Variants in THAP10 observed in about 807,000 individuals in gnomAD.
THAP10 encodes THAP domain containing 10, also known as THAP domain-containing protein 10.
THAP10 carries 10 observed loss-of-function variants against 15.7 expected under a neutral mutation model. The observed-to-expected ratio is 0.64, with a 90% CI of 0.39 to 1.08. THAP10 has a LOEUF of 1.08. Ranked by LOEUF, THAP10 falls within the 50% of genes least tolerant of loss-of-function variation. The pLI, the probability that THAP10 is intolerant of heterozygous loss-of-function variation, is 0.01. For synonymous variants in THAP10, 127 were observed against 129.1 expected, an observed-to-expected ratio of 0.98 and a Z score of 0.11; for missense variants, 310 against 330.9, an observed-to-expected ratio of 0.94 and a Z score of 0.49.
intron 1 of THAP10, among the ~76,000 whole-genome samples, chr15:70,885,752 G>A (rs970608329): frequency 1.3e-5 from 2 of 152,140 alleles, no homozygotes; most frequent in African/African-American, 2.4e-5. Context: ...AGATTAATAT[G>A]TAAATTCAAA....
At chr15:70,882,697 C>T in intron 2 of THAP10, 47 bp from the exon 3 acceptor site, 2 of 1,611,512 alleles carry the variant, frequency 1.2e-6, no homozygotes, top group Non-Finnish European at 1.7e-6. Context: ...CTTTGCTTTT[C>T]ATATATCTTT....
At chr15:70,887,014 G>A (rs1218990074) in intron 1 of THAP10, among the ~76,000 whole-genome samples, 1 of 151,834 alleles carries the variant, frequency 6.6e-6, no homozygotes, top group African/African-American at 2.4e-5. Flanking sequence ...AATTTAGATG[G>A]AACAGACAAA....
At chr15:70,891,338 G>C (rs192318117) in intron 1 of THAP10, among the ~76,000 whole-genome samples, 27 of 152,226 alleles carry the variant, frequency 1.8e-4, no homozygotes, top group Non-Finnish European at 3.4e-4. Context: ...AGGAAGCTTG[G>C]GGTGGGAAGG....
In THAP10 at chr15:70,891,567, C is replaced by CTGTGTGTGTGTGTG. The variant is rs3220843; in HGVS notation, c.429+263_429+276dup. On this transcript the variant is annotated intron_variant, in intron 1 of 2. Coordinates refer to ENST00000249861, the MANE Select transcript of THAP10 (RefSeq NM_020147.4). ...ACTCACTACTCTGCAGGACAAGACT[C>CTGTGTGTGTGTGTG]TGTGTGTGTGTGTGTGTGTGTGTGT... Among the ~76,000 whole-genome samples, 568 of 137,102 alleles carry CTGTGTGTGTGTGTG rather than the reference C, an allele frequency of 4.1e-3. 5 individuals are homozygous for CTGTGTGTGTGTGTG. The highest frequency in any genetic ancestry group is 0.011 in the Admixed American group (149 of 13,174). 89.9% of individuals were successfully genotyped at this position (137,102 alleles called of 152,430 possible). A position where few individuals can be genotyped will look rare whatever the true frequency, so the allele number is the denominator to read the frequency against.
chr15:70,883,417 C>T (rs1324127907), intron 1 of THAP10, among the ~76,000 whole-genome samples: 1 of 152,126 alleles, frequency 6.6e-6, no homozygotes, highest in Non-Finnish European at 1.5e-5. Flanking sequence ...TGGTCTCGAA[C>T]TCCTAACCTC....
rs1362261507 is a variant in THAP10 at position 70,892,300 on chromosome 15, G to C, written c.-28C>G. 1 of 1,550,884 alleles carries C rather than the reference G, an allele frequency of 6.4e-7. No homozygotes were observed. The highest frequency in any genetic ancestry group is 2.4e-5 in the East Asian group (1 of 41,010). ...CGGCCGTCTTCGGTGCGCGGGAGCC[G>C]GGTTCCCTGGACCTTCGCCCTTGGG... On this transcript the variant is annotated 5_prime_UTR_variant, in exon 1 of 3. Coordinates refer to ENST00000249861, the MANE Select transcript of THAP10 (RefSeq NM_020147.4).
At chr15:70,886,977 T>C (rs572454768) in intron 1 of THAP10, among the ~76,000 whole-genome samples, 1 of 152,168 alleles carries the variant, frequency 6.6e-6, no homozygotes, top group East Asian at 1.9e-4. Context: ...AAGATTATCA[T>C]GAAGGTTTTG....
chr15:70,889,764 C>A (rs973851931), intron 1 of THAP10, among the ~76,000 whole-genome samples: 1 of 152,108 alleles, frequency 6.6e-6, no homozygotes, highest in Admixed American at 6.6e-5. Context: ...AATAGCTCTT[C>A]AATAAATGTT....
chr15:70,887,612 G>C (rs2141089126), intron 1 of THAP10, among the ~76,000 whole-genome samples: 1 of 152,152 alleles, frequency 6.6e-6, no homozygotes, highest in South Asian at 2.1e-4. Flanking sequence ...ATTACAAAGA[G>C]AGCTATAAAA....
chr15:70,890,002 A>G (rs2033510501), intron 1 of THAP10, among the ~76,000 whole-genome samples: 1 of 152,232 alleles, frequency 6.6e-6, no homozygotes, highest in Admixed American at 6.5e-5. Context: ...TAATTCAGCA[A>G]GTATATTAAT....
In THAP10 at chr15:70,892,147, G is replaced by T. The variant is rs1483386546; in HGVS notation, c.126C>A (p.Ala42=). 3 of 1,613,248 alleles carry T rather than the reference G, an allele frequency of 1.9e-6. No individual in the cohort carries two copies. The highest frequency in any genetic ancestry group is 2.5e-6 in the Non-Finnish European group (3 of 1,179,744). ...LWDRFVRGCR[A]DWYGGNDRSV... is the part of the protein sequence containing the mutation. ...AGCGGTCATTGCCTCCGTACCAGTC[G>T]GCGCGGCAACCCCGCACGAAGCGGT... The change falls in exon 1 of 3, where the codon GCC becomes GCA. Residue 42 remains alanine (A), a synonymous_variant. Transcript: ENST00000249861.
At position 70,882,093 on chromosome 15, in the gene THAP10, T is replaced by C. The variant is rs1476455496; in HGVS notation, c.*361A>G. On this transcript the variant is annotated 3_prime_UTR_variant, in exon 3 of 3. Coordinates refer to ENST00000249861, the MANE Select transcript of THAP10 (RefSeq NM_020147.4). ...ATTATTTAGAAGAGTAGGGATATTCTAACTAGCAAATGTCAAGTCCTGTAG... is the reference window on the plus strand; with the variant it reads ...ATTATTTAGAAGAGTAGGGATATTCCAACTAGCAAATGTCAAGTCCTGTAG... 5.4e-6 allele frequency: 1 copy of C among 183,584 alleles called. No individual in the cohort carries two copies. The highest frequency in any genetic ancestry group is 1.1e-5 in the Non-Finnish European group (1 of 87,954). 11.4% of individuals were successfully genotyped at this position (183,584 alleles called of 1,614,324 possible).
In THAP10 at chr15:70,891,968, TC is replaced by T. The variant is rs2033593710; in HGVS notation, c.304del (p.Glu102ArgfsTer83). 6.2e-7 allele frequency: 1 copy of T among 1,613,374 alleles called. No individual in the cohort carries two copies. Among genetic ancestry groups the T allele is most frequent in the South Asian group, 1.1e-5 (1 of 90,906 alleles). ...VPAPAPKRGE[E>X]GDQAGRLDTR... The stretch of plus-strand genomic sequence containing the variant: ...GTCCAGGCGGCCTGCTTGGTCTCCC[TC>T]CTCTCCCCTCTTAGGTGCCGGGGCG... On this transcript the variant is annotated frameshift_variant, in exon 1 of 3. Coordinates refer to ENST00000249861, the MANE Select transcript of THAP10 (RefSeq NM_020147.4). LOFTEE classifies it high-confidence loss of function.
At chr15:70,883,529 T>C (rs2033322947) in intron 1 of THAP10, among the ~76,000 whole-genome samples, 1 of 152,150 alleles carries the variant, frequency 6.6e-6, no homozygotes, top group South Asian at 2.1e-4. Context: ...ATTTGATATC[T>C]TAGCAGTCAT....
intron 1 of THAP10, among the ~76,000 whole-genome samples, chr15:70,890,801 G>A (rs2033535342): frequency 6.6e-6 from 1 of 152,214 alleles, no homozygotes; most frequent in Non-Finnish European, 1.5e-5. Context: ...TTGGTAGGAA[G>A]TAATATAGTA....
intron 1 of THAP10, among the ~76,000 whole-genome samples, chr15:70,883,486 G>A (rs191179435): frequency 6.6e-6 from 1 of 151,892 alleles, no homozygotes; most frequent in Non-Finnish European, 1.5e-5. Context: ...GAGGCACCTC[G>A]CCCAACCAAG....
Position 70,891,903 on chromosome 15 carries a change from C to T in THAP10, c.370G>A (p.Ala124Thr), listed in dbSNP as rs2033589497. 1.2e-6 allele frequency: 2 copies of T among 1,613,088 alleles called. No individual in the cohort carries two copies. Among genetic ancestry groups the T allele is most frequent in the South Asian group, 1.1e-5 (1 of 90,906 alleles). Residue 124 changes from alanine (A) to threonine (T), a missense_variant, in exon 1 of 3, where the codon GCC becomes ACC. Ala to Thr is a moderately conservative substitution (Grantham distance 58). Transcript: ENST00000249861. ...ELQAARHSEAAPGPVSCTRPR... is the reference protein window; with the variant it reads ...ELQAARHSEATPGPVSCTRPR... The stretch of plus-strand genomic sequence containing the variant: ...CGTGTACAGGAGACTGGACCTGGGG[C>T]AGCCTCAGAATGCCTGGCTGCCTGG...
chr15:70,891,907 C>T lies in THAP10; in HGVS notation c.366G>A (p.Glu122=), dbSNP rs1381662748. 6.2e-7 allele frequency: 1 copy of T among 1,613,442 alleles called. No individual in the cohort carries two copies. Among genetic ancestry groups the T allele is most frequent in the Non-Finnish European group, 8.5e-7 (1 of 1,179,926 alleles). The part of the protein sequence containing the change: ...RGELQAARHS[E]AAPGPVSCTR... Reference sequence around the variant, plus strand: ...TACAGGAGACTGGACCTGGGGCAGCCTCAGAATGCCTGGCTGCCTGGAGCT... The same window carrying T: ...TACAGGAGACTGGACCTGGGGCAGCTTCAGAATGCCTGGCTGCCTGGAGCT... The change falls in exon 1 of 3, where the codon GAG becomes GAA. Residue 122 remains glutamate, a synonymous_variant. Coordinates refer to ENST00000249861, the MANE Select transcript of THAP10 (RefSeq NM_020147.4).
intron 1 of THAP10, among the ~76,000 whole-genome samples, chr15:70,889,616 G>A (rs2033501873): frequency 6.6e-6 from 1 of 152,188 alleles, no homozygotes; most frequent in African/African-American, 2.4e-5. Flanking sequence ...AAAATTAACA[G>A]TTAAGGGAAA....
Sources: gnomAD v4.1 joint callset for allele counts (sites outside exome capture counted in the v4.1 genomes callset) on GRCh38, gnomAD v4.1.1 for gene constraint, MANE v1.5 for transcripts, NCBI Gene and HGNC (gene_info 2026-07-23, HGNC 2026-07-21) for gene names.